The following STAG1 variants were observed in gnomAD, a reference collection of about 807,000 sequenced individuals.
The protein encoded by STAG1 is cohesin subunit SA-1.
In STAG1, 26 loss-of-function variants were observed where a neutral mutation model predicts 170.9. The observed-to-expected ratio is 0.15, with a 90% CI of 0.11 to 0.21. STAG1 has a LOEUF of 0.21. Ranked by LOEUF, STAG1 falls within the 10% of genes least tolerant of loss-of-function variation. The pLI, the probability that STAG1 is intolerant of heterozygous loss-of-function variation, is 1.00. For missense variants in STAG1, 964 were observed against 1,509.5 expected, an observed-to-expected ratio of 0.64 and a Z score of 5.99; for synonymous variants, 514 against 497.7, an observed-to-expected ratio of 1.03 and a Z score of -0.44.
At chr3:136,580,364 AAC>A (rs1937565143) in intron 4 of STAG1, among the ~76,000 whole-genome samples, 1 of 152,118 alleles carries the variant, frequency 6.6e-6, no homozygotes, top group Non-Finnish European at 1.5e-5. Flanking sequence ...TAAATAAAAA[AAC>A]AGAAAAACTG....
At chr3:136,420,391 G>T (rs140860944) in intron 20 of STAG1, among the ~76,000 whole-genome samples, 98 of 152,006 alleles carry the variant, frequency 6.4e-4, no homozygotes, top group African/African-American at 2.3e-3. Context: ...TTGAGATAGG[G>T]TCTGCCTATT....
rs7644985 is a variant in STAG1, at chr3:136,670,267, G to A, written c.-83-39286C>T. ...TTCCCATTTAACAAATGCAGAATGTGATGTATGAAGCCAAGGTCACAAGTG... is the reference window on the plus strand; with the variant it reads ...TTCCCATTTAACAAATGCAGAATGTAATGTATGAAGCCAAGGTCACAAGTG... On this transcript the variant is annotated intron_variant, in intron 1 of 33. Coordinates refer to ENST00000383202, the MANE Select transcript of STAG1 (RefSeq NM_005862.3). 6.6e-3 allele frequency among the ~76,000 whole-genome samples: 999 copies of A among 152,296 alleles called. 11 individuals carry two copies. The highest frequency in any genetic ancestry group is 0.023 in the African/African-American group (941 of 41,546).
chr3:136,336,475 A>G lies in STAG1; in HGVS notation c.*1779T>C, dbSNP rs1935683087. ...AATTCTGTCAGCATCTGTTTTCCAT[A>G]CAAGACTGTCACGCAAAGGATCAAT... On this transcript the variant is annotated 3_prime_UTR_variant, in exon 34 of 34. Transcript: ENST00000383202. 1 of 152,210 alleles carries G rather than the reference A, an allele frequency of 6.6e-6. No individual in the cohort carries two copies. The highest frequency in any genetic ancestry group is 2.1e-4 in the South Asian group (1 of 4,824). The allele number at this position is 152,210 out of a possible 1,614,324, so 9.4% of individuals were successfully genotyped here. A position where few individuals can be genotyped will look rare whatever the true frequency, so the allele number is the denominator to read the frequency against.
chr3:136,443,468 G>A, intron 14 of STAG1, 64 bp from the exon 15 acceptor site: 1 of 1,131,294 alleles, frequency 8.8e-7, no homozygotes, highest in South Asian at 1.4e-5. Flanking sequence ...ATACTAATTT[G>A]AGTTAAGAAA....
chr3:136,741,903 T>C (rs571679877), intron 1 of STAG1, among the ~76,000 whole-genome samples: 78 of 152,336 alleles, frequency 5.1e-4, no homozygotes, highest in African/African-American at 1.8e-3. Context: ...GGAGTGGCTA[T>C]ATTAACATCA....
At chr3:136,725,449 A>C in intron 1 of STAG1, among the ~76,000 whole-genome samples, 1 of 152,210 alleles carries the variant, frequency 6.6e-6, no homozygotes, top group East Asian at 1.9e-4. Context: ...TTTGGCACTG[A>C]AAAGTTATTA....
chr3:136,467,175 A>C (rs897208369), intron 12 of STAG1, among the ~76,000 whole-genome samples: 1 of 152,230 alleles, frequency 6.6e-6, no homozygotes, highest in Admixed American at 6.5e-5. Flanking sequence ...CCTTAAATGT[A>C]AATGGGCTAA....
intron 5 of STAG1, among the ~76,000 whole-genome samples, chr3:136,551,255 GAGAGA>G (rs1936384797): frequency 2.1e-5 from 3 of 142,242 alleles, no homozygotes; most frequent in Admixed American, 1.4e-4. Flanking sequence ...GAGAGAGAGA[GAGAGA>G]GGGAGAGCGA....
chr3:136,455,121 A>C (rs888111206), intron 13 of STAG1, among the ~76,000 whole-genome samples: 1 of 152,260 alleles, frequency 6.6e-6, no homozygotes, highest in African/African-American at 2.4e-5. Context: ...ATGGAGGCTT[A>C]TCCTTCTGGA....
chr3:136,705,673 T>C (rs995934432), intron 1 of STAG1, among the ~76,000 whole-genome samples: 2 of 152,262 alleles, frequency 1.3e-5, no homozygotes. Flanking sequence ...TCTTTGCCTA[T>C]TGCCATGTCA....
chr3:136,568,553 T>C (rs1472590112), intron 5 of STAG1, among the ~76,000 whole-genome samples: 1 of 152,120 alleles, frequency 6.6e-6, no homozygotes, highest in African/African-American at 2.4e-5. Context: ...TCAAAAACTA[T>C]ATAAATGTAT....
rs1424319661 is a variant in STAG1, at chr3:136,607,287, A to G, written c.133-2814T>C. Among the ~76,000 whole-genome samples the G allele has an allele frequency of 2.0e-5, 3 of 152,096 alleles. No homozygotes were observed. The East Asian group carries it at 5.8e-4, about 29-fold the overall frequency. ...TGAGGAAGTATTTACACAAATTATA[A>G]TTCTCTCACATGGAAGATTTGTCTA... On this transcript the variant is annotated intron_variant, in intron 3 of 33. Transcript: ENST00000383202.
chr3:136,608,243 A>G (rs1939060352), intron 3 of STAG1, among the ~76,000 whole-genome samples: 1 of 150,396 alleles, frequency 6.6e-6, no homozygotes, highest in Non-Finnish European at 1.5e-5. Context: ...TGGGCAACAG[A>G]GCAAGACTCC....
chr3:136,415,360 T>C (rs1361083560), intron 21 of STAG1, among the ~76,000 whole-genome samples: 1 of 152,104 alleles, frequency 6.6e-6, no homozygotes, highest in Non-Finnish European at 1.5e-5. Flanking sequence ...ATAGCTAATA[T>C]AATCTCCCCA....
chr3:136,397,824 T>C (rs909043821), intron 22 of STAG1, among the ~76,000 whole-genome samples: 4 of 152,084 alleles, frequency 2.6e-5, no homozygotes, highest in Admixed American at 6.6e-5. Context: ...TTCTTTGTTT[T>C]GCATGGTCAT....
Position 136,633,962 on chromosome 3 carries a change from T to TAAAAAAAAAAAAAAAAAAAAA in STAG1, c.-83-3002_-83-2982dup, listed in dbSNP as rs67810422. 1.6e-4 allele frequency among the ~76,000 whole-genome samples: 8 copies of TAAAAAAAAAAAAAAAAAAAAA among 50,354 alleles called. 3 individuals carry two copies. Among genetic ancestry groups the TAAAAAAAAAAAAAAAAAAAAA allele is most frequent in the Admixed American group, 7.4e-4 (2 of 2,690 alleles). The allele number at this position is 50,354 out of a possible 152,430, so 33.0% of individuals were successfully genotyped here. ...AACATGGTGAAACCCTGTCTCTACT[T>TAAAAAAAAAAAAAAAAAAAAA]AAAAAAAAAAAAAAAAAAAAAAAAA... On this transcript the variant is annotated intron_variant, in intron 1 of 33. Transcript: ENST00000383202.
chr3:136,408,904 C>A (rs1005611517), intron 21 of STAG1, among the ~76,000 whole-genome samples: 1 of 152,088 alleles, frequency 6.6e-6, no homozygotes, highest in African/African-American at 2.4e-5. Flanking sequence ...AATTTCTAAG[C>A]TCAGTCATGG....
At chr3:136,589,154 G>A (rs1938011805) in intron 4 of STAG1, among the ~76,000 whole-genome samples, 1 of 151,954 alleles carries the variant, frequency 6.6e-6, no homozygotes, top group Non-Finnish European at 1.5e-5. Context: ...GCCTCCCTAA[G>A]TGTTGGGATT....
At chr3:136,374,812 A>G (rs1010976298) in intron 23 of STAG1, among the ~76,000 whole-genome samples, 2 of 152,190 alleles carry the variant, frequency 1.3e-5, no homozygotes, top group East Asian at 1.9e-4. Context: ...TATGGTACAT[A>G]TAGAGTCTAC....
Sources: allele counts gnomAD v4.1 joint callset (sites outside exome capture counted in the v4.1 genomes callset), GRCh38; gene constraint gnomAD v4.1.1; transcripts MANE v1.5; gene names NCBI Gene and HGNC (gene_info 2026-07-23, HGNC 2026-07-21).